The following RRAS2 variants were observed in gnomAD, a reference collection of about 807,000 sequenced individuals.
RRAS2 encodes RAS related 2.
A neutral mutation model predicts 27.6 loss-of-function variants in RRAS2; 7 were observed. The observed-to-expected ratio is 0.25, with a 90% CI of 0.14 to 0.48. The LOEUF is 0.48. Among genes scored for constraint, RRAS2 ranks in the 20% least tolerant of loss-of-function variants. RRAS2 has a pLI of 0.99. For missense variants in RRAS2, 178 were observed against 256.2 expected, an observed-to-expected ratio of 0.69 and a Z score of 2.08; for synonymous variants, 86 against 90.9, an observed-to-expected ratio of 0.95 and a Z score of 0.31.
chr11:14,354,070 T>G (rs1347079601), intron 1 of RRAS2, among the ~76,000 whole-genome samples: 2 of 152,228 alleles, frequency 1.3e-5, no homozygotes, highest in East Asian at 3.8e-4. Flanking sequence ...ATTGGGAATT[T>G]AAACTCACAA....
chr11:14,318,523 A>C (rs570765759), intron 1 of RRAS2, among the ~76,000 whole-genome samples: 62 of 152,126 alleles, frequency 4.1e-4, no homozygotes, highest in Middle Eastern at 3.4e-3. Flanking sequence ...AACAAACAAA[A>C]AAAAAAACCT....
At chr11:14,356,799 T>C (rs889897567) in intron 1 of RRAS2, 3 of 431,896 alleles carry the variant, frequency 6.9e-6, no homozygotes, top group African/African-American at 4.3e-5. Flanking sequence ...CGGCAATTAA[T>C]GCTTTTTTTT....
intron 5 of RRAS2, among the ~76,000 whole-genome samples, chr11:14,279,662 A>G (rs1234290013): frequency 6.6e-6 from 1 of 152,220 alleles, no homozygotes; most frequent in Non-Finnish European, 1.5e-5. Context: ...ACGAGATACT[A>G]GACTCAGTAA....
chr11:14,292,193 A>AC (rs1847413543), intron 4 of RRAS2, among the ~76,000 whole-genome samples: 1 of 151,946 alleles, frequency 6.6e-6, no homozygotes, highest in Non-Finnish European at 1.5e-5. Context: ...ACTCATATAG[A>AC]CCCAAGCTGA....
chr11:14,326,070 A>G (rs1848350168), intron 1 of RRAS2, among the ~76,000 whole-genome samples: 1 of 152,226 alleles, frequency 6.6e-6, no homozygotes, highest in South Asian at 2.1e-4. Flanking sequence ...GACGTGTACT[A>G]GAACCCCTTT....
At chr11:14,328,366 CAAAAAAA>C (rs71041596) in intron 1 of RRAS2, among the ~76,000 whole-genome samples, 1 of 67,716 alleles carries the variant, frequency 1.5e-5, no homozygotes, top group African/African-American at 6.2e-5. Flanking sequence ...AACTCCAACT[CAAAAAAA>C]AAAAAAAAAA....
At chr11:14,299,702 A>G (rs1847646618) in intron 1 of RRAS2, among the ~76,000 whole-genome samples, 1 of 152,088 alleles carries the variant, frequency 6.6e-6, no homozygotes. Context: ...CCATAAAGAT[A>G]CTCCATAAAG....
intron 4 of RRAS2, among the ~76,000 whole-genome samples, chr11:14,292,189 A>G (rs1026017291): frequency 6.6e-6 from 1 of 152,194 alleles, no homozygotes; most frequent in East Asian, 1.9e-4. Context: ...AATAACTCAT[A>G]TAGACCCAAG....
At chr11:14,321,038 G>C (rs1278029321) in intron 1 of RRAS2, among the ~76,000 whole-genome samples, 2 of 152,004 alleles carry the variant, frequency 1.3e-5, no homozygotes, top group Non-Finnish European at 1.5e-5. Context: ...CAATTAGCTG[G>C]GTGTGGTGGC....
At chr11:14,306,107 T>C (rs1847823101) in intron 1 of RRAS2, among the ~76,000 whole-genome samples, 1 of 150,658 alleles carries the variant, frequency 6.6e-6, no homozygotes, top group African/African-American at 2.4e-5. Flanking sequence ...ACCCTACGGA[T>C]GTAAAATAGT....
intron 1 of RRAS2, among the ~76,000 whole-genome samples, chr11:14,334,786 TCAA>T (rs1262614168): frequency 6.6e-6 from 1 of 152,204 alleles, no homozygotes; most frequent in African/African-American, 2.4e-5. Context: ...GTCCTTGCCA[TCAA>T]CAACTGTCCC....
intron 1 of RRAS2, 96 bp from the exon 2 acceptor site, chr11:14,295,951 T>C: frequency 3.6e-5 from 34 of 956,222 alleles, no homozygotes; most frequent in Non-Finnish European, 4.8e-5. Flanking sequence ...GGGAGAAGGA[T>C]CACTTGAGGC....
intron 1 of RRAS2, among the ~76,000 whole-genome samples, chr11:14,316,997 A>C (rs1297483409): frequency 2.6e-5 from 4 of 152,192 alleles, no homozygotes; most frequent in Admixed American, 6.5e-5. Flanking sequence ...AAATGCACCT[A>C]ATTACAGAGG....
chr11:14,336,518 G>T (rs1157904011), intron 1 of RRAS2, among the ~76,000 whole-genome samples: 1 of 152,056 alleles, frequency 6.6e-6, no homozygotes, highest in Admixed American at 6.5e-5. Context: ...GCAAAGAAAT[G>T]AAAGTCTCAG....
intron 1 of RRAS2, among the ~76,000 whole-genome samples, chr11:14,309,945 G>A (rs1554948636): frequency 6.6e-6 from 1 of 152,146 alleles, no homozygotes; most frequent in Non-Finnish European, 1.5e-5. Context: ...CTGGATTATA[G>A]GTCAAGGGTG....
In RRAS2 at chr11:14,281,585, G is replaced by C. The variant is rs782428222; in HGVS notation, c.527+17C>G. 1 of 1,541,742 alleles carries C rather than the reference G, an allele frequency of 6.5e-7. No homozygotes were observed. The highest frequency in any genetic ancestry group is 8.8e-7 in the Non-Finnish European group (1 of 1,131,606). On this transcript the variant is annotated intron_variant, in intron 5 of 5. Coordinates refer to ENST00000256196, the MANE Select transcript of RRAS2 (RefSeq NM_012250.6). ...AGTAATTTATTAAAACACACATCTA[G>C]AATGTGTTTTGCTTACCTGATAACC...
rs1235532502 is a variant in RRAS2 at position 14,278,878 on chromosome 11, A to G, written c.*459T>C. 6.4e-6 allele frequency: 1 copy of G among 157,280 alleles called. No individual in the cohort carries two copies. The highest frequency in any genetic ancestry group is 1.4e-5 in the Non-Finnish European group (1 of 70,824). 9.7% of individuals were successfully genotyped at this position (157,280 alleles called of 1,614,324 possible). On this transcript the variant is annotated 3_prime_UTR_variant, in exon 6 of 6. Coordinates refer to ENST00000256196, the MANE Select transcript of RRAS2 (RefSeq NM_012250.6). ...TTGTAGATTCAATTCAGTGTATTTA[A>G]GGTTAACAAAGGCTGACATTGAAAT... is the stretch of plus-strand genomic sequence containing the variant.
At chr11:14,306,103 CG>C (rs1359080978) in intron 1 of RRAS2, among the ~76,000 whole-genome samples, 1 of 151,280 alleles carries the variant, frequency 6.6e-6, no homozygotes, top group Non-Finnish European at 1.5e-5. Context: ...AGACACCCTA[CG>C]GATGTAAAAT....
intron 1 of RRAS2, among the ~76,000 whole-genome samples, chr11:14,321,062 C>A (rs1848211490): frequency 6.6e-6 from 1 of 152,012 alleles, no homozygotes; most frequent in African/African-American, 2.4e-5. Flanking sequence ...CGCCTGTAAT[C>A]CCAGCTACTT....
Sources: gnomAD v4.1 joint callset for allele counts (sites outside exome capture counted in the v4.1 genomes callset) on GRCh38, gnomAD v4.1.1 for gene constraint, MANE v1.5 for transcripts, NCBI Gene and HGNC (gene_info 2026-07-23, HGNC 2026-07-21) for gene names.